Variants in TAFA2 observed in about 807,000 individuals in gnomAD.
TAFA2 encodes the protein TAFA chemokine like family member 2.
In TAFA2, 7 loss-of-function variants were observed where a neutral mutation model predicts 18.8. The observed-to-expected ratio is 0.37, with a 90% CI of 0.21 to 0.70. TAFA2 has a LOEUF of 0.70. Among genes scored for constraint, TAFA2 ranks in the 30% least tolerant of loss-of-function variants. TAFA2 has a pLI of 0.53. For missense variants in TAFA2, 122 were observed against 158.1 expected, an observed-to-expected ratio of 0.77 and a Z score of 1.23; for synonymous variants, 60 against 54.2, an observed-to-expected ratio of 1.11 and a Z score of -0.47.
Position 61,950,735 on chromosome 12 carries a change from A to G in TAFA2, c.-1-83309T>C, listed in dbSNP as rs541429607. Among the ~76,000 whole-genome samples the G allele has an allele frequency of 8.5e-5, 13 of 152,262 alleles. No individual in the cohort carries two copies. The South Asian group carries it at 2.5e-3, about 29-fold the overall frequency. On this transcript the variant is annotated intron_variant, in intron 1 of 4. Transcript: ENST00000416284. The stretch of plus-strand genomic sequence containing the variant: ...TTTATTGTTTCTGGATGTCTTTCTC[A>G]TACTAGTTTGGTAGCTCCACGAAGT...
At chr12:62,018,937 C>T (rs1407549115) in intron 1 of TAFA2, among the ~76,000 whole-genome samples, 1 of 151,886 alleles carries the variant, frequency 6.6e-6, no homozygotes, top group Non-Finnish European at 1.5e-5. Context: ...TGACAAAGGG[C>T]TAATATCCAG....
intron 1 of TAFA2, among the ~76,000 whole-genome samples, chr12:62,188,823 T>G (rs1177754879): frequency 6.6e-6 from 1 of 152,164 alleles, no homozygotes; most frequent in African/African-American, 2.4e-5. Context: ...TGGCCATATC[T>G]AAAAACATAT....
At chr12:61,847,858 T>C (rs1481677040) in intron 2 of TAFA2, among the ~76,000 whole-genome samples, 2 of 152,164 alleles carry the variant, frequency 1.3e-5, no homozygotes, top group African/African-American at 2.4e-5. Context: ...TAGAAAATAA[T>C]ACATAGGCTA....
intron 1 of TAFA2, among the ~76,000 whole-genome samples, chr12:61,989,600 C>T (rs1023873781): frequency 1.8e-4 from 27 of 152,242 alleles, no homozygotes; most frequent in African/African-American, 4.8e-4. Flanking sequence ...AGCCAGGGCC[C>T]GCTCACGGCT....
chr12:61,776,115 A>G (rs1870250971), intron 2 of TAFA2: 1 of 431,406 alleles, frequency 2.3e-6, no homozygotes, highest in Non-Finnish European at 4.5e-6. Flanking sequence ...AAGAGTCTAC[A>G]ATGTTACCTA....
At chr12:61,966,517 G>A (rs1305250239) in intron 1 of TAFA2, among the ~76,000 whole-genome samples, 1 of 151,844 alleles carries the variant, frequency 6.6e-6, no homozygotes, top group Admixed American at 6.6e-5. Flanking sequence ...GTATTTTGAA[G>A]AGGACATATT....
intron 1 of TAFA2, among the ~76,000 whole-genome samples, chr12:62,211,243 T>A (rs1383900414): frequency 6.6e-6 from 1 of 152,074 alleles, no homozygotes; most frequent in Non-Finnish European, 1.5e-5. Context: ...AGGAGTGAAT[T>A]TCAGAGATGG....
intron 1 of TAFA2, among the ~76,000 whole-genome samples, chr12:62,124,597 C>T (rs1384202798): frequency 6.6e-6 from 1 of 151,922 alleles, no homozygotes; most frequent in East Asian, 1.9e-4. Flanking sequence ...GTTAAATTGG[C>T]CTAAAACAAA....
At chr12:62,174,636 C>A (rs927205504) in intron 1 of TAFA2, among the ~76,000 whole-genome samples, 1 of 152,116 alleles carries the variant, frequency 6.6e-6, no homozygotes, top group South Asian at 2.1e-4. Context: ...AATAAAGGGT[C>A]CATCTAAAAT....
intron 2 of TAFA2, among the ~76,000 whole-genome samples, chr12:61,760,381 T>TATATATATATATATATATATATAG: frequency 6.7e-6 from 1 of 148,488 alleles, no homozygotes; most frequent in Non-Finnish European, 1.5e-5. Context: ...TATATATATA[T>TATATATATATATATATATATATAG]ATGCGCCAGT....
intron 4 of TAFA2, among the ~76,000 whole-genome samples, chr12:61,722,289 T>C (rs1291915505): frequency 6.6e-6 from 1 of 152,192 alleles, no homozygotes; most frequent in Non-Finnish European, 1.5e-5. Flanking sequence ...AATATTTGTG[T>C]TATTGAGTAA....
At chr12:61,839,309 T>G (rs2121117969) in intron 2 of TAFA2, among the ~76,000 whole-genome samples, 1 of 152,206 alleles carries the variant, frequency 6.6e-6, no homozygotes, top group Admixed American at 6.5e-5. Flanking sequence ...AATGTCTCAG[T>G]TGCTACATAA....
chr12:61,825,927 G>C (rs1402810476), intron 2 of TAFA2, among the ~76,000 whole-genome samples: 1 of 151,880 alleles, frequency 6.6e-6, no homozygotes, highest in Non-Finnish European at 1.5e-5. Context: ...TGTAAAAATG[G>C]AACATAACCA....
intron 1 of TAFA2, among the ~76,000 whole-genome samples, chr12:62,124,505 G>A (rs941559077): frequency 5.3e-5 from 8 of 151,976 alleles, no homozygotes; most frequent in Admixed American, 2.6e-4. Context: ...CATCAAAAGG[G>A]AAATAGTAAA....
At chr12:61,967,581 C>T (rs1879111151) in intron 1 of TAFA2, among the ~76,000 whole-genome samples, 1 of 151,810 alleles carries the variant, frequency 6.6e-6, no homozygotes, top group Non-Finnish European at 1.5e-5. Flanking sequence ...ACTGTTCATT[C>T]AATCTATAAT....
chr12:62,172,879 C>T (rs561315502), intron 1 of TAFA2, among the ~76,000 whole-genome samples: 2 of 152,320 alleles, frequency 1.3e-5, no homozygotes, highest in South Asian at 4.1e-4. Flanking sequence ...CACCTGTGTT[C>T]AATTCCAATT....
intron 2 of TAFA2, among the ~76,000 whole-genome samples, chr12:61,816,213 C>A (rs929415884): frequency 6.6e-6 from 1 of 151,204 alleles, no homozygotes; most frequent in African/African-American, 2.5e-5. Flanking sequence ...GTCTGTTGCT[C>A]CCTTCTTTGT....
intron 1 of TAFA2, among the ~76,000 whole-genome samples, chr12:62,254,258 G>A (rs1001759164): frequency 6.6e-6 from 1 of 152,100 alleles, no homozygotes. Flanking sequence ...GCTCTAATAT[G>A]AGTTTCACAT....
chr12:62,057,616 CTT>C (rs1427322410), intron 1 of TAFA2, among the ~76,000 whole-genome samples: 1 of 152,052 alleles, frequency 6.6e-6, no homozygotes, highest in Non-Finnish European at 1.5e-5. Flanking sequence ...ATTATGTACT[CTT>C]GTCTCTTTTC....
Sources: gnomAD v4.1 joint callset for allele counts (sites outside exome capture counted in the v4.1 genomes callset) on GRCh38, gnomAD v4.1.1 for gene constraint, MANE v1.5 for transcripts, NCBI Gene and HGNC (gene_info 2026-07-23, HGNC 2026-07-21) for gene names.